Variants in ARHGAP19 observed in about 807,000 individuals in gnomAD.
ARHGAP19 encodes Rho GTPase activating protein 19, also known as rho GTPase-activating protein 19.
In ARHGAP19, 48 loss-of-function variants were observed where a neutral mutation model predicts 60.9. The ratio of observed to expected loss-of-function variants is 0.79; its 90% CI spans 0.62 to 1.00. The LOEUF (loss-of-function observed/expected upper bound fraction) is 1.00. Ranked by LOEUF, ARHGAP19 falls within the 50% of genes least tolerant of loss-of-function variation. The pLI, the probability that ARHGAP19 is intolerant of heterozygous loss-of-function variation, is 0.00. For missense variants in ARHGAP19, 562 were observed against 597.2 expected, an observed-to-expected ratio of 0.94 and a Z score of 0.61; for synonymous variants, 209 against 215.5, an observed-to-expected ratio of 0.97 and a Z score of 0.27.
Position 97,229,753 on chromosome 10 carries a change from C to A in ARHGAP19, c.1395+11G>T. The A allele has an allele frequency of 6.5e-7, 1 of 1,544,462 alleles. No individual in the cohort carries two copies. The highest frequency in any genetic ancestry group is 8.9e-7 in the Non-Finnish European group (1 of 1,120,202). ...ACAGACAGACAGACAGTCCAAAGAA[C>A]AGTGTCTTACTAAGTTCCTATTTTC... On this transcript the variant is annotated intron_variant, in intron 10 of 11. Transcript: ENST00000358531.
intron 5 of ARHGAP19, among the ~76,000 whole-genome samples, chr10:97,257,537 C>T (rs1269018025): frequency 6.6e-6 from 1 of 152,086 alleles, no homozygotes; most frequent in Non-Finnish European, 1.5e-5. Context: ...ACCTCCTGTC[C>T]TCAAGCAGTC....
At chr10:97,290,016 A>G (rs2134936432) in intron 1 of ARHGAP19, among the ~76,000 whole-genome samples, 1 of 152,220 alleles carries the variant, frequency 6.6e-6, no homozygotes, top group South Asian at 2.1e-4. Context: ...CAAATGTATC[A>G]ATCACCTCTA....
chr10:97,266,230 C>T, intron 1 of ARHGAP19, 105 bp from the exon 2 acceptor site: 1 of 1,360,510 alleles, frequency 7.4e-7, no homozygotes, highest in Non-Finnish European at 1.0e-6. Flanking sequence ...GCAGAGGTTT[C>T]CTTATAGTCA....
chr10:97,262,516 T>C (rs1842844210), intron 4 of ARHGAP19, among the ~76,000 whole-genome samples: 1 of 151,946 alleles, frequency 6.6e-6, no homozygotes. Flanking sequence ...AATACAAAAA[T>C]TAGCTAGGCG....
chr10:97,253,490 G>C (rs575903547), intron 6 of ARHGAP19, among the ~76,000 whole-genome samples: 1 of 152,236 alleles, frequency 6.6e-6, no homozygotes, highest in South Asian at 2.1e-4. Context: ...TGCTGGGATA[G>C]GTGTTAGGGG....
intron 1 of ARHGAP19, among the ~76,000 whole-genome samples, chr10:97,268,284 T>C (rs1258752212): frequency 6.6e-6 from 1 of 152,228 alleles, no homozygotes; most frequent in Non-Finnish European, 1.5e-5. Flanking sequence ...CATATCACTA[T>C]CAGCATTTTG....
chr10:97,230,698 ACT>A (rs1262514137), intron 9 of ARHGAP19, among the ~76,000 whole-genome samples: 1 of 151,960 alleles, frequency 6.6e-6, no homozygotes, highest in East Asian at 1.9e-4. Context: ...GGAGGAAAAA[ACT>A]CTAGCCAAAA....
intron 8 of ARHGAP19, among the ~76,000 whole-genome samples, chr10:97,241,349 C>T (rs1255817351): frequency 6.6e-6 from 1 of 151,104 alleles, no homozygotes; most frequent in African/African-American, 2.4e-5. Context: ...TGAGCCCTTA[C>T]ATCTACACTC....
chr10:97,278,733 A>T (rs1350757954), intron 1 of ARHGAP19, among the ~76,000 whole-genome samples: 1 of 152,220 alleles, frequency 6.6e-6, no homozygotes, highest in Non-Finnish European at 1.5e-5. Flanking sequence ...CCACAGCTGA[A>T]AAATCAATTA....
At chr10:97,256,031 G>A (rs1842748103) in intron 6 of ARHGAP19, among the ~76,000 whole-genome samples, 1 of 152,100 alleles carries the variant, frequency 6.6e-6, no homozygotes, top group African/African-American at 2.4e-5. Context: ...CAGTAAGCAG[G>A]CAGGATAAAA....
At chr10:97,248,601 C>T (rs1003002978) in intron 6 of ARHGAP19, among the ~76,000 whole-genome samples, 4 of 152,070 alleles carry the variant, frequency 2.6e-5, no homozygotes, top group African/African-American at 4.8e-5. Flanking sequence ...AGCAATGACA[C>T]ACCAGAAACA....
At chr10:97,269,057 C>A (rs1249495511) in intron 1 of ARHGAP19, among the ~76,000 whole-genome samples, 1 of 152,126 alleles carries the variant, frequency 6.6e-6, no homozygotes, top group East Asian at 1.9e-4. Flanking sequence ...CTGACTCATA[C>A]AAACATACCC....
chr10:97,239,458 G>A (rs1378177939), intron 8 of ARHGAP19, among the ~76,000 whole-genome samples: 2 of 151,410 alleles, frequency 1.3e-5, no homozygotes, highest in South Asian at 2.1e-4. Flanking sequence ...ATCGGAGATC[G>A]TGCCACTGCA....
At chr10:97,286,068 T>G (rs761767414) in intron 1 of ARHGAP19, among the ~76,000 whole-genome samples, 1 of 152,170 alleles carries the variant, frequency 6.6e-6, no homozygotes, top group Non-Finnish European at 1.5e-5. Context: ...TGATCATTGA[T>G]AAAATGTAAA....
At chr10:97,292,456 G>T (rs1843250128) in intron 1 of ARHGAP19, 116 bp downstream of exon 1, 4 of 1,349,800 alleles carry the variant, frequency 3.0e-6, no homozygotes, top group Non-Finnish European at 4.2e-6. Context: ...GATGAGAAAC[G>T]CCGTGGGAGA....
Position 97,262,712 on chromosome 10 carries a change from A to G in ARHGAP19, c.613+708T>C, listed in dbSNP as rs544781559. ...AATTTCCAAGAGTAGAGATGCCCTCAACCGAGGCATAGAAATACTGAGCAA... is the reference window on the plus strand; with the variant it reads ...AATTTCCAAGAGTAGAGATGCCCTCGACCGAGGCATAGAAATACTGAGCAA... On this transcript the variant is annotated intron_variant, in intron 4 of 11. Transcript: ENST00000358531. Among the ~76,000 whole-genome samples, 10 of 152,302 alleles carry G rather than the reference A, an allele frequency of 6.6e-5. 1 individual carries two copies. The South Asian group carries it at 2.1e-3, about 32-fold the overall frequency.
chr10:97,279,601 C>T (rs1843058649), intron 1 of ARHGAP19, among the ~76,000 whole-genome samples: 1 of 152,052 alleles, frequency 6.6e-6, no homozygotes, highest in African/African-American at 2.4e-5. Flanking sequence ...CAAACAATTC[C>T]CCCACCTCGT....
chr10:97,255,556 G>A (rs575352605), intron 6 of ARHGAP19, among the ~76,000 whole-genome samples: 5 of 152,178 alleles, frequency 3.3e-5, no homozygotes, highest in South Asian at 4.1e-4. Context: ...CAGCCTGGGC[G>A]ACAGAGTGAG....
rs1159795563 is a variant in ARHGAP19, at chr10:97,224,764, T to A, written c.*1358A>T. ...ACAGAGCCAGGCACAAACCTGAGCATTCCCCCCTGCTACATGCTGCTCTCT... is the reference window on the plus strand; with the variant it reads ...ACAGAGCCAGGCACAAACCTGAGCAATCCCCCCTGCTACATGCTGCTCTCT... On this transcript the variant is annotated 3_prime_UTR_variant, in exon 12 of 12. Transcript: ENST00000358531. 2 of 152,336 alleles carry A rather than the reference T, an allele frequency of 1.3e-5. No homozygotes were observed. The highest frequency in any genetic ancestry group is 2.9e-5 in the Non-Finnish European group (2 of 68,160). The allele number at this position is 152,336 out of a possible 1,614,324, so 9.4% of individuals were successfully genotyped here.
Sources: gnomAD v4.1 joint callset for allele counts (sites outside exome capture counted in the v4.1 genomes callset) on GRCh38, gnomAD v4.1.1 for gene constraint, MANE v1.5 for transcripts, NCBI Gene and HGNC (gene_info 2026-07-23, HGNC 2026-07-21) for gene names.